PPA1: variants seen among roughly 807,000 people sequenced by gnomAD.
PPA1 encodes inorganic pyrophosphatase.
Under a neutral mutation model 41.8 loss-of-function variants are expected in PPA1, and 23 were observed. That is an observed-to-expected ratio of 0.55 (90% CI 0.40 to 0.78). The LOEUF (loss-of-function observed/expected upper bound fraction) is 0.78. Ranked by LOEUF, PPA1 falls within the 30% of genes least tolerant of loss-of-function variation. PPA1 has a pLI of 0.00. For missense variants in PPA1, 320 were observed against 361.6 expected (o/e 0.89, Z 0.93); for synonymous variants, 101 against 116.8 (o/e 0.86, Z 0.87).
At chr10:70,225,461 C>T (rs934105061) in intron 2 of PPA1, among the ~76,000 whole-genome samples, 15 of 152,040 alleles carry the variant, frequency 9.9e-5, no homozygotes, top group Admixed American at 4.6e-4. Flanking sequence ...GCAATTCGTC[C>T]ACCTAGGCTG....
chr10:70,208,849 G>A (rs1295665660), intron 8 of PPA1, among the ~76,000 whole-genome samples: 6 of 149,064 alleles, frequency 4.0e-5, no homozygotes, highest in Admixed American at 1.3e-4. Flanking sequence ...CTGGAGTACA[G>A]TGGTACGATC....
chr10:70,216,760 T>C lies in PPA1; in HGVS notation c.297+1052A>G, dbSNP rs115587165. Among the ~76,000 whole-genome samples the C allele has an allele frequency of 4.7e-3, 714 of 152,352 alleles. 6 individuals are homozygous for C. Among genetic ancestry groups the C allele is most frequent in the African/African-American group, 0.016 (685 of 41,568 alleles). On this transcript the variant is annotated intron_variant, in intron 4 of 10. Transcript: ENST00000373232. ...CTGGCCTAGCCAAAATAGAATTAAA[T>C]AGATGTCATTTACTCATTATAGATA... is the stretch of plus-strand genomic sequence containing the variant.
At position 70,213,541 on chromosome 10, in the gene PPA1, C is replaced by T. The variant is rs1840046169; in HGVS notation, c.433G>A (p.Ala145Thr). 1.9e-6 allele frequency: 3 copies of T among 1,613,984 alleles called. No homozygotes were observed. Among genetic ancestry groups the T allele is most frequent in the East Asian group, 4.5e-5 (2 of 44,854 alleles). ...IIGVKVLGIL[A>T]MIDEGETDWK... ...TCGGTTTCCCCTTCGTCAATCATAG[C>T]CAATATGCCTAGAACTTTCACGCCA... Residue 145 changes from alanine (A) to threonine (T), a missense_variant, in exon 6 of 11, where the codon GCT becomes ACT. Coordinates refer to ENST00000373232, the MANE Select transcript of PPA1 (RefSeq NM_021129.4).
At chr10:70,219,559 T>C (rs1441622317) in intron 2 of PPA1, among the ~76,000 whole-genome samples, 2 of 152,242 alleles carry the variant, frequency 1.3e-5, no homozygotes, top group African/African-American at 4.8e-5. Context: ...ATCAGCTTCA[T>C]TATCCACATT....
chr10:70,213,436 G>T, intron 6 of PPA1, 27 bp downstream of exon 6: 1 of 1,611,886 alleles, frequency 6.2e-7, no homozygotes. Flanking sequence ...TAATTAGAAA[G>T]ACTTCAGACT....
intron 8 of PPA1, among the ~76,000 whole-genome samples, chr10:70,207,776 G>A (rs1390674747): frequency 6.6e-6 from 1 of 151,866 alleles, no homozygotes; most frequent in Non-Finnish European, 1.5e-5. Flanking sequence ...GGTTTTTTTA[G>A]CCCACTTTAG....
At chr10:70,221,027 A>AAT (rs1554830621) in intron 2 of PPA1, among the ~76,000 whole-genome samples, 662 of 59,762 alleles carry the variant, frequency 0.011, 30 homozygotes, top group Non-Finnish European at 0.016. Context: ...TTATATATAT[A>AAT]ATATATATAT....
At chr10:70,233,003 G>A (rs1305072063) in intron 1 of PPA1, among the ~76,000 whole-genome samples, 4 of 152,186 alleles carry the variant, frequency 2.6e-5, no homozygotes, top group Non-Finnish European at 4.4e-5. Flanking sequence ...AACTAGCTGG[G>A]CCCAGGTTCG....
chr10:70,219,560 TA>T (rs2136761247), intron 2 of PPA1, among the ~76,000 whole-genome samples: 1 of 152,328 alleles, frequency 6.6e-6, no homozygotes, highest in East Asian at 1.9e-4. Context: ...TCAGCTTCAT[TA>T]TCCACATTAT....
chr10:70,216,647 T>G (rs1840085243), intron 4 of PPA1, among the ~76,000 whole-genome samples: 1 of 152,204 alleles, frequency 6.6e-6, no homozygotes, highest in South Asian at 2.1e-4. Context: ...ACTTCATTGT[T>G]AATAAAAACA....
intron 8 of PPA1, 81 bp downstream of exon 8, chr10:70,209,124 T>C (rs1376401708): frequency 2.0e-6 from 2 of 1,013,552 alleles, no homozygotes; most frequent in Non-Finnish European, 3.0e-6. Context: ...AAAGTAACAG[T>C]ACAGTGTCTT....
intron 2 of PPA1, among the ~76,000 whole-genome samples, chr10:70,222,854 C>CCCCG (rs2136766765): frequency 7.5e-6 from 1 of 134,016 alleles, no homozygotes; most frequent in African/African-American, 2.7e-5. Context: ...CCACAACAGG[C>CCCCG]CCCGGTGTGT....
At chr10:70,204,188 T>G (rs2058785381) in intron 10 of PPA1, 1 of 152,058 alleles carries the variant, frequency 6.6e-6, no homozygotes, top group African/African-American at 2.4e-5. Flanking sequence ...GAGACCTGGT[T>G]TGAGACCAGC....
intron 6 of PPA1, among the ~76,000 whole-genome samples, chr10:70,213,160 A>G (rs914348854): frequency 6.6e-6 from 1 of 152,196 alleles, no homozygotes; most frequent in Admixed American, 6.5e-5. Context: ...ACTCTTTGAT[A>G]TGTGAATATC....
intron 9 of PPA1, chr10:70,206,018 T>C (rs1589889548): frequency 2.1e-6 from 1 of 468,864 alleles, no homozygotes; most frequent in Middle Eastern, 5.9e-4. Flanking sequence ...ACCATTCTGA[T>C]TTTTACAAAT....
chr10:70,210,774 T>TTA (rs1159041912), intron 6 of PPA1, among the ~76,000 whole-genome samples: 2 of 151,704 alleles, frequency 1.3e-5, no homozygotes, highest in East Asian at 1.9e-4. Context: ...CCAATTTATT[T>TTA]TTTTTTTTTG....
chr10:70,217,276 T>C (rs1840090927), intron 4 of PPA1, among the ~76,000 whole-genome samples: 1 of 151,948 alleles, frequency 6.6e-6, no homozygotes, highest in Admixed American at 6.6e-5. Flanking sequence ...ACTCTAAACA[T>C]AAAGTCAGCA....
At chr10:70,230,060 C>T (rs988007252) in intron 2 of PPA1, among the ~76,000 whole-genome samples, 2 of 152,152 alleles carry the variant, frequency 1.3e-5, no homozygotes, top group Admixed American at 1.3e-4. Flanking sequence ...AGACACATGC[C>T]ACCATGCCCG....
At chr10:70,220,458 G>A (rs1398272286) in intron 2 of PPA1, among the ~76,000 whole-genome samples, 1 of 121,136 alleles carries the variant, frequency 8.3e-6, no homozygotes, top group Non-Finnish European at 1.6e-5. Flanking sequence ...GTGTGTGTGT[G>A]CGTGTATGTG....
Sources: gnomAD v4.1 joint callset for allele counts (sites outside exome capture counted in the v4.1 genomes callset) on GRCh38, gnomAD v4.1.1 for gene constraint, MANE v1.5 for transcripts, NCBI Gene and HGNC (gene_info 2026-07-23, HGNC 2026-07-21) for gene names.